TPRG1: variants seen among roughly 807,000 people sequenced by gnomAD.
The protein encoded by TPRG1 is tumor protein p63-regulated gene 1 protein.
Under a neutral mutation model 29.3 loss-of-function variants are expected in TPRG1, and 29 were observed. That is an observed-to-expected ratio of 0.99 (90% CI 0.74 to 1.35). The LOEUF (loss-of-function observed/expected upper bound fraction) is 1.35, where lower values mean the gene tolerates loss of function less well. Among genes scored for constraint, TPRG1 ranks in the 40% most tolerant of loss-of-function variants. The pLI is 0.00. For missense variants in TPRG1, 327 were observed against 335.0 expected, an observed-to-expected ratio of 0.98 and a Z score of 0.19; for synonymous variants, 130 against 116.8, an observed-to-expected ratio of 1.11 and a Z score of -0.73.
rs534179195 is a variant in TPRG1, at chr3:189,173,135, A to G, written c.-10+1004A>G. ...AATTTTAGCTATCATTTTTCTTTTCATGCTCAAAAGGTTATATCATTCTTA... is the reference window on the plus strand; with the variant it reads ...AATTTTAGCTATCATTTTTCTTTTCGTGCTCAAAAGGTTATATCATTCTTA... On this transcript the variant is annotated intron_variant, in intron 1 of 5. Coordinates refer to ENST00000345063, the MANE Select transcript of TPRG1 (RefSeq NM_198485.4). 7.9e-5 allele frequency among the ~76,000 whole-genome samples: 12 copies of G among 151,874 alleles called. No homozygotes were observed. The East Asian group carries it at 2.1e-3, about 27-fold the overall frequency.
intron 4 of TPRG1, among the ~76,000 whole-genome samples, chr3:189,269,211 G>C (rs1714662909): frequency 6.6e-6 from 1 of 151,848 alleles, no homozygotes; most frequent in African/African-American, 2.4e-5. Flanking sequence ...CTTGGTGAAA[G>C]TTCAATGTTT....
chr3:189,191,227 GTTC>G (rs1416009481), intron 1 of TPRG1, among the ~76,000 whole-genome samples: 5 of 152,162 alleles, frequency 3.3e-5, no homozygotes, highest in African/African-American at 4.8e-5. Context: ...AGATGTTATC[GTTC>G]TTCATCAGTC....
At chr3:189,300,786 C>G (rs1720704244) in intron 4 of TPRG1, among the ~76,000 whole-genome samples, 1 of 152,144 alleles carries the variant, frequency 6.6e-6, no homozygotes, top group Non-Finnish European at 1.5e-5. Context: ...TAAATGTCCC[C>G]TTTGTTAACC....
At chr3:189,280,020 C>T (rs1378798623) in intron 4 of TPRG1, among the ~76,000 whole-genome samples, 2 of 152,172 alleles carry the variant, frequency 1.3e-5, no homozygotes, top group East Asian at 1.9e-4. Context: ...GTAGCCACTT[C>T]CCATTATGGT....
chr3:189,198,027 C>T (rs1337277500), intron 1 of TPRG1, among the ~76,000 whole-genome samples: 2 of 152,134 alleles, frequency 1.3e-5, no homozygotes, highest in Admixed American at 6.5e-5. Context: ...CAGAGAGAAG[C>T]GAATACAGAG....
intron 4 of TPRG1, among the ~76,000 whole-genome samples, chr3:189,263,174 G>A (rs1713440455): frequency 1.3e-5 from 2 of 152,364 alleles, no homozygotes; most frequent in Admixed American, 6.5e-5. Flanking sequence ...CTGCCTTAGG[G>A]CAAGCCTGCC....
intron 4 of TPRG1, among the ~76,000 whole-genome samples, chr3:189,085,212 C>T (rs1381498630): frequency 6.6e-6 from 1 of 152,138 alleles, no homozygotes; most frequent in African/African-American, 2.4e-5. Flanking sequence ...ACATTACGGT[C>T]CTATAGGTGG....
chr3:189,311,849 C>A (rs548404690), intron 5 of TPRG1, among the ~76,000 whole-genome samples: 2 of 151,798 alleles, frequency 1.3e-5, no homozygotes, highest in African/African-American at 4.9e-5. Flanking sequence ...ACAAAACAAC[C>A]AATAAGAACA....
In TPRG1 at chr3:189,046,266, G is replaced by A. The variant is rs1714972305; in HGVS notation, c.-463+22320G>A. Among the ~76,000 whole-genome samples, 3 of 152,186 alleles carry A rather than the reference G, an allele frequency of 2.0e-5. No individual in the cohort carries two copies. In the East Asian group the frequency reaches 5.8e-4, roughly 29 times the overall value. Reference sequence around the variant, plus strand: ...AGAAATCTGGACAACATCTCTGTTGGTGGACAGAGATTGTTGGTAAACCCT... The same window carrying A: ...AGAAATCTGGACAACATCTCTGTTGATGGACAGAGATTGTTGGTAAACCCT... On this transcript the variant is annotated intron_variant, in intron 4 of 10. Coordinates refer to the TPRG1 transcript ENST00000433971.
intron 1 of TPRG1, among the ~76,000 whole-genome samples, chr3:189,177,508 G>A (rs926462501): frequency 1.3e-5 from 2 of 150,932 alleles, no homozygotes; most frequent in African/African-American, 4.9e-5. Context: ...GTTTATATAT[G>A]CATATACTTA....
At chr3:189,235,072 C>T (rs1739245839) in intron 3 of TPRG1, among the ~76,000 whole-genome samples, 1 of 152,130 alleles carries the variant, frequency 6.6e-6, no homozygotes, top group South Asian at 2.1e-4. Context: ...AGTGGAGGGA[C>T]TTGGCCTGAG....
rs967802313 is a variant in TPRG1, at chr3:189,039,635, G to A, written c.-463+15689G>A. On this transcript the variant is annotated intron_variant, in intron 4 of 10. Transcript: ENST00000433971. The stretch of plus-strand genomic sequence containing the variant: ...TAGTGAAAAGAAAGCAATTTCATAA[G>A]AGAACATGACAGTGAACATTTCTAT... Among the ~76,000 whole-genome samples the A allele has an allele frequency of 8.5e-5, 13 of 152,288 alleles. No individual in the cohort carries two copies. The East Asian group carries it at 2.5e-3, about 29-fold the overall frequency.
intron 1 of TPRG1, among the ~76,000 whole-genome samples, chr3:189,176,717 A>C (rs1301336559): frequency 6.6e-6 from 1 of 152,224 alleles, no homozygotes; most frequent in African/African-American, 2.4e-5. Flanking sequence ...TGGAACAGGA[A>C]GTGCAAAGGC....
intron 1 of TPRG1, among the ~76,000 whole-genome samples, chr3:189,173,339 C>CT (rs549433698): frequency 0.31 from 40,394 of 129,934 alleles, 6,592 homozygotes; most frequent in South Asian, 0.41. Flanking sequence ...TTCTTTTCTT[C>CT]TTCTTTTTTT....
intron 4 of TPRG1, among the ~76,000 whole-genome samples, chr3:189,030,678 G>T (rs6769188): frequency 5.3e-5 from 8 of 152,016 alleles, no homozygotes; most frequent in Admixed American, 3.9e-4. Context: ...AAAGTGTTAC[G>T]CCAGTCACCT....
intron 4 of TPRG1, among the ~76,000 whole-genome samples, chr3:189,038,856 T>C (rs190217534): frequency 5.3e-5 from 8 of 150,286 alleles, no homozygotes; most frequent in African/African-American, 1.5e-4. Flanking sequence ...ACTTACATGC[T>C]CATGAAGACA....
At chr3:189,227,533 C>T (rs16864115) in intron 3 of TPRG1, among the ~76,000 whole-genome samples, 5,961 of 152,224 alleles carry the variant, frequency 0.039, 114 homozygotes, top group South Asian at 0.05. Context: ...TTGAGATTGA[C>T]GCAATTGTAG....
chr3:189,067,753 A>G (rs1284850930), intron 4 of TPRG1, among the ~76,000 whole-genome samples: 1 of 152,208 alleles, frequency 6.6e-6, no homozygotes, highest in Non-Finnish European at 1.5e-5. Context: ...TCTCTAGGAC[A>G]TTGGTCTGGG....
At chr3:189,311,620 C>A (rs965436079) in intron 5 of TPRG1, among the ~76,000 whole-genome samples, 1 of 152,102 alleles carries the variant, frequency 6.6e-6, no homozygotes, top group Non-Finnish European at 1.5e-5. Context: ...ACATTATTCT[C>A]CCATGAAAAG....
Sources: allele counts gnomAD v4.1 joint callset (sites outside exome capture counted in the v4.1 genomes callset), GRCh38; gene constraint gnomAD v4.1.1; transcripts MANE v1.5; gene names NCBI Gene and HGNC (gene_info 2026-07-23, HGNC 2026-07-21).